SUN3: variants seen among roughly 807,000 people sequenced by gnomAD.
SUN3 encodes the protein SUN domain-containing protein 3.
Under a neutral mutation model 48.2 loss-of-function variants are expected in SUN3, and 36 were observed. That is an observed-to-expected ratio of 0.75 (90% confidence interval 0.57 to 0.99). The LOEUF (loss-of-function observed/expected upper bound fraction) is 0.99, where lower values mean the gene tolerates loss of function less well. Among genes scored for constraint, SUN3 ranks in the 50% least tolerant of loss-of-function variants. The pLI, the probability that SUN3 is intolerant of heterozygous loss-of-function variation, is 0.00. For missense variants in SUN3, 419 were observed against 433.1 expected (o/e 0.97, Z 0.29); for synonymous variants, 148 against 147.9 (o/e 1.00, Z 0.00).
chr7:47,993,190 T>C (rs1162581650), intron 8 of SUN3, among the ~76,000 whole-genome samples: 1 of 152,212 alleles, frequency 6.6e-6, no homozygotes, highest in African/African-American at 2.4e-5. Flanking sequence ...TTTGTTCACA[T>C]AGTCACTGTG....
chr7:48,018,325 C>T (rs769943193), intron 2 of SUN3, among the ~76,000 whole-genome samples: 2 of 152,162 alleles, frequency 1.3e-5, no homozygotes, highest in African/African-American at 4.8e-5. Flanking sequence ...TGGCTAACCA[C>T]TGAGATAGTG....
chr7:47,987,476 G>A, intron 9 of SUN3, 27 bp from the exon 10 acceptor site: 1 of 1,500,694 alleles, frequency 6.7e-7, no homozygotes, highest in Non-Finnish European at 8.9e-7. Flanking sequence ...GAAAATCAAT[G>A]CCTTATAACG....
intron 3 of SUN3, among the ~76,000 whole-genome samples, chr7:48,012,421 T>C (rs1789709731): frequency 6.6e-6 from 1 of 151,888 alleles, no homozygotes; most frequent in African/African-American, 2.4e-5. Flanking sequence ...TAATGTTGAC[T>C]GAGACCCAAA....
At chr7:48,019,082 AT>A (rs1231735047) in intron 2 of SUN3, among the ~76,000 whole-genome samples, 2 of 152,238 alleles carry the variant, frequency 1.3e-5, no homozygotes, top group African/African-American at 4.8e-5. Flanking sequence ...AAGCAGGCAG[AT>A]GAAAGAATCA....
At chr7:47,991,785 T>C (rs917517769) in intron 8 of SUN3, among the ~76,000 whole-genome samples, 2 of 151,772 alleles carry the variant, frequency 1.3e-5, no homozygotes, top group Non-Finnish European at 2.9e-5. Flanking sequence ...GTGGGGAGCG[T>C]GTGGGTGAAA....
At position 48,017,332 on chromosome 7, in the gene SUN3, T is replaced by C; in HGVS notation, c.218A>G (p.Asp73Gly). The C allele has an allele frequency of 6.2e-7, 1 of 1,609,592 alleles. No individual in the cohort carries two copies. The highest frequency in any genetic ancestry group is 8.5e-7 in the Non-Finnish European group (1 of 1,177,044). The change falls in exon 3 of 10, where the codon GAT becomes GGT. Residue 73 changes from aspartate to glycine, a missense_variant. By Grantham distance (94) the Asp-to-Gly change is moderately conservative. Coordinates refer to ENST00000297325, the MANE Select transcript of SUN3 (RefSeq NM_001030019.2). ...LLNHQWLKET[D>G]VPQKSRQLYA... ...TAATTGTCTGGATTTCTGAGGAACA[T>C]CTGTTTCTTTAAGCCACTGATGATT...
intron 6 of SUN3, among the ~76,000 whole-genome samples, chr7:48,002,488 G>A (rs907999903): frequency 5.3e-5 from 8 of 152,102 alleles, no homozygotes; most frequent in Admixed American, 4.6e-4. Context: ...GATCAGTGAC[G>A]TCGAGATTTT....
At chr7:48,013,441 A>G (rs1684065904) in intron 3 of SUN3, among the ~76,000 whole-genome samples, 1 of 152,218 alleles carries the variant, frequency 6.6e-6, no homozygotes. Flanking sequence ...GAAAAGTAAT[A>G]TCAAATCATT....
At chr7:48,014,948 T>C (rs377554051) in intron 3 of SUN3, among the ~76,000 whole-genome samples, 1 of 152,322 alleles carries the variant, frequency 6.6e-6, no homozygotes, top group East Asian at 1.9e-4. Flanking sequence ...GACTTTAAAA[T>C]GCCTGTGAGA....
At chr7:48,034,710 C>T in the SUN3 span, among the ~76,000 whole-genome samples, 1 of 152,248 alleles carries the variant, frequency 6.6e-6, no homozygotes, top group African/African-American at 2.4e-5. Context: ...ATCTTCATTC[C>T]CATGAAGCAC....
intron 1 of SUN3, 121 bp from the exon 2 acceptor site, chr7:48,026,059 T>C (rs975395553): frequency 1.5e-6 from 1 of 671,752 alleles, no homozygotes; most frequent in Non-Finnish European, 2.6e-6. Flanking sequence ...TTAATCTAGG[T>C]TGAGTCTATG....
chr7:48,014,437 A>T (rs1329189923), intron 3 of SUN3, among the ~76,000 whole-genome samples: 1 of 152,190 alleles, frequency 6.6e-6, no homozygotes, highest in South Asian at 2.1e-4. Context: ...TGATCATTAC[A>T]TTTTAGTTAA....
chr7:48,009,610 G>T (rs1353210716), intron 3 of SUN3, among the ~76,000 whole-genome samples: 1 of 152,048 alleles, frequency 6.6e-6, no homozygotes, highest in African/African-American at 2.4e-5. Flanking sequence ...TCAGAAAATT[G>T]CAGAAATTTA....
the SUN3 span, chr7:48,035,657 T>A: frequency 1.5e-6 from 1 of 650,520 alleles, no homozygotes; most frequent in Non-Finnish European, 2.8e-6. The surrounding 1 kb of genome is among the most constrained non-coding windows in gnomAD (Gnocchi z 4.0). Flanking sequence ...TGGAGGACAA[T>A]GGGGGCGCCC....
rs1433439645 is a variant in SUN3, at chr7:48,009,024, A to G, written c.329+11T>C. 6.2e-7 allele frequency: 1 copy of G among 1,611,058 alleles called. No homozygotes were observed. ...ACCAAAAAGAGGCATATAGCAAAAGATCGCACTCACTTTAAAAGTTCCAGT... is the reference window on the plus strand; with the variant it reads ...ACCAAAAAGAGGCATATAGCAAAAGGTCGCACTCACTTTAAAAGTTCCAGT... On this transcript the variant is annotated intron_variant, in intron 4 of 9. Transcript: ENST00000297325.
intron 2 of SUN3, among the ~76,000 whole-genome samples, chr7:48,024,968 C>T (rs1790095090): frequency 6.6e-6 from 1 of 152,128 alleles, no homozygotes; most frequent in Admixed American, 6.5e-5. Context: ...TATAGCAGTC[C>T]TCCTACACTG....
chr7:48,005,193 AT>A (rs1789490669), intron 6 of SUN3, among the ~76,000 whole-genome samples: 1 of 152,180 alleles, frequency 6.6e-6, no homozygotes, highest in African/African-American at 2.4e-5. Flanking sequence ...CAACCAAAAA[AT>A]CCCAACTATG....
intron 3 of SUN3, among the ~76,000 whole-genome samples, chr7:48,013,957 G>A (rs781162152): frequency 2.0e-5 from 3 of 151,974 alleles, no homozygotes; most frequent in Non-Finnish European, 2.9e-5. Flanking sequence ...TTAGAAACAC[G>A]GCCATAGTCA....
chr7:48,033,978 C>G (rs1288768744), upstream of SUN3, among the ~76,000 whole-genome samples: 2 of 152,142 alleles, frequency 1.3e-5, no homozygotes, highest in Non-Finnish European at 2.9e-5. Context: ...TGCTTGAACC[C>G]AGGAGGTGGA....
Sources: allele counts gnomAD v4.1 joint callset (sites outside exome capture counted in the v4.1 genomes callset), GRCh38; gene constraint gnomAD v4.1.1; non-coding constraint Gnocchi (gnomAD v3.1); transcripts MANE v1.5; gene names NCBI Gene and HGNC (gene_info 2026-07-23, HGNC 2026-07-21).